Variants in DDX19B observed in about 807,000 individuals in gnomAD.
DDX19B encodes ATP-dependent RNA helicase DDX19B.
Under a neutral mutation model 58.1 loss-of-function variants are expected in DDX19B, and 27 were observed. The ratio of observed to expected loss-of-function variants is 0.46; its 90% CI spans 0.34 to 0.64. The LOEUF is 0.64. Among genes scored for constraint, DDX19B ranks in the 30% least tolerant of loss-of-function variants. The pLI is 0.01. For missense variants in DDX19B, 399 were observed against 596.5 expected (o/e 0.67, Z 3.45); for synonymous variants, 187 against 214.4 (o/e 0.87, Z 1.12).
intron 11 of DDX19B, 37 bp from the exon 12 acceptor site, chr16:70,333,484 C>T (rs771438269): frequency 6.2e-7 from 1 of 1,613,946 alleles, no homozygotes; most frequent in Non-Finnish European, 8.5e-7. Context: ...GGGGCACATT[C>T]CTGGGCAGGG....
rs1406087204 is a variant in DDX19B, at chr16:70,334,452, T to G, written c.*870T>G. 5 of 152,168 alleles carry G rather than the reference T, an allele frequency of 3.3e-5. No individual in the cohort carries two copies. Among genetic ancestry groups the G allele is most frequent in the Non-Finnish European group, 7.3e-5 (5 of 68,058 alleles). The allele number at this position is 152,168 out of a possible 1,614,324, so 9.4% of individuals were successfully genotyped here. ...AGCCCCAAACAAATGTGATCTGAGG[T>G]TTAGATCCTCAGTGAAAATTGTGGT... On this transcript the variant is annotated 3_prime_UTR_variant, in exon 12 of 12. Coordinates refer to ENST00000288071, the MANE Select transcript of DDX19B (RefSeq NM_007242.7).
At chr16:70,303,315 T>C (rs1293892570) in intron 1 of DDX19B, among the ~76,000 whole-genome samples, 3 of 152,156 alleles carry the variant, frequency 2.0e-5, no homozygotes, top group Non-Finnish European at 2.9e-5. Context: ...ATCTGGCTAA[T>C]GTATGTATTT....
intron 2 of DDX19B, among the ~76,000 whole-genome samples, chr16:70,313,496 AGGGTGTGG>A (rs771204404): frequency 2.7e-4 from 40 of 147,114 alleles, no homozygotes; most frequent in Non-Finnish European, 4.5e-4. Context: ...ACTGATAGCA[AGGGTGTGG>A]GGGGAACAAA....
In DDX19B at chr16:70,299,217, G is replaced by T. The variant is rs1961346900; in HGVS notation, c.-81G>T. 2.1e-6 allele frequency: 3 copies of T among 1,449,244 alleles called. No individual in the cohort carries two copies. The highest frequency in any genetic ancestry group is 5.3e-5 in the East Asian group (2 of 37,984). 89.8% of individuals were successfully genotyped at this position (1,449,244 alleles called of 1,614,324 possible). A position where few individuals can be genotyped will look rare whatever the true frequency, so the allele number is the denominator to read the frequency against. On this transcript the variant is annotated 5_prime_UTR_variant, in exon 1 of 12. Transcript: ENST00000288071. ...TTGTAGTGGGGCTGGAGCAGAGCCTGCCGCGAACCCCCGGAGCCCACGATC... is the reference window on the plus strand; with the variant it reads ...TTGTAGTGGGGCTGGAGCAGAGCCTTCCGCGAACCCCCGGAGCCCACGATC...
chr16:70,326,965 G>T (rs1240318605), intron 7 of DDX19B, among the ~76,000 whole-genome samples: 1 of 151,864 alleles, frequency 6.6e-6, no homozygotes, highest in Non-Finnish European at 1.5e-5. Flanking sequence ...CTCCTGAGTA[G>T]CTGGGACTAC....
chr16:70,330,897 T>C (rs1963448066), intron 9 of DDX19B, among the ~76,000 whole-genome samples: 1 of 151,660 alleles, frequency 6.6e-6, no homozygotes, highest in African/African-American at 2.4e-5. Flanking sequence ...TTTTAAAAAT[T>C]AGCCAGGCGT....
chr16:70,321,149 A>G (rs375195853), intron 5 of DDX19B, among the ~76,000 whole-genome samples: 104 of 151,686 alleles, frequency 6.9e-4, no homozygotes, highest in Admixed American at 6.6e-4. Flanking sequence ...TTTAGTAGAG[A>G]TGGGGTTTCT....
chr16:70,322,631 C>T (rs889891351), intron 5 of DDX19B, among the ~76,000 whole-genome samples: 6 of 148,070 alleles, frequency 4.1e-5, no homozygotes, highest in Admixed American at 1.4e-4. Context: ...TGGTGGCTCA[C>T]GACTGTAATC....
chr16:70,318,908 T>C (rs1491002066), intron 5 of DDX19B, among the ~76,000 whole-genome samples: 1 of 151,294 alleles, frequency 6.6e-6, no homozygotes, highest in Non-Finnish European at 1.5e-5. Flanking sequence ...ATCGAGACCA[T>C]CCTGGCTAAC....
At chr16:70,294,072 ATTTTTT>A (rs35683856), upstream of DDX19B, among the ~76,000 whole-genome samples, 1 of 63,100 alleles carries the variant, frequency 1.6e-5, no homozygotes, top group African/African-American at 7.4e-5. Flanking sequence ...GAGAGCCTGA[ATTTTTT>A]TTTTTTTTTT....
At chr16:70,312,752 A>G in intron 2 of DDX19B, 95 bp downstream of exon 2, 2 of 1,039,826 alleles carry the variant, frequency 1.9e-6, no homozygotes, top group Non-Finnish European at 2.9e-6. Context: ...TTGTATTTGT[A>G]CCAGGCAGGG....
At chr16:70,326,627 T>C (rs1963160785) in intron 7 of DDX19B, among the ~76,000 whole-genome samples, 1 of 151,410 alleles carries the variant, frequency 6.6e-6, no homozygotes, top group Non-Finnish European at 1.5e-5. Flanking sequence ...ACCTCTGCCC[T>C]CCGGGTTCAA....
chr16:70,320,451 ACCTCTGCCTCCTGGGCGTAAGCAATC>A (rs1427722543), intron 5 of DDX19B, among the ~76,000 whole-genome samples: 1 of 148,446 alleles, frequency 6.7e-6, no homozygotes, highest in African/African-American at 2.5e-5. Flanking sequence ...GCTCACTGCA[ACCTCTGCCTCCTGGGCGTAAGCAATC>A]CTCCCACCTC....
chr16:70,317,697 G>A (rs1962509079), intron 5 of DDX19B, 109 bp downstream of exon 5: 3 of 870,114 alleles, frequency 3.4e-6, no homozygotes, highest in Non-Finnish European at 5.2e-6. Flanking sequence ...CCAGCAACCT[G>A]AGAGGCAAGG....
upstream of DDX19B, among the ~76,000 whole-genome samples, chr16:70,290,958 T>C (rs1961045557): frequency 2.6e-5 from 4 of 152,202 alleles, no homozygotes; most frequent in Admixed American, 2.6e-4. Flanking sequence ...TAATAAATTG[T>C]GCTGCTGGTC....
intron 7 of DDX19B, among the ~76,000 whole-genome samples, chr16:70,327,449 C>T (rs1963226403): frequency 6.6e-6 from 1 of 152,096 alleles, no homozygotes; most frequent in African/African-American, 2.4e-5. Context: ...AGGAGAATCA[C>T]TTGAACCCGG....
At chr16:70,328,915 GC>G (rs1963322124) in intron 7 of DDX19B, among the ~76,000 whole-genome samples, 1 of 151,736 alleles carries the variant, frequency 6.6e-6, no homozygotes, top group South Asian at 2.1e-4. Flanking sequence ...AGCTGGCTTT[GC>G]CTTTGAAATA....
At chr16:70,319,588 T>G (rs1297815162) in intron 5 of DDX19B, 3 of 151,856 alleles carry the variant, frequency 2.0e-5, no homozygotes, top group Non-Finnish European at 4.4e-5. Flanking sequence ...TTTTTTTTTT[T>G]GTCTAAAAAT....
upstream of DDX19B, among the ~76,000 whole-genome samples, chr16:70,292,497 A>G (rs1461394884): frequency 6.6e-6 from 1 of 152,144 alleles, no homozygotes; most frequent in African/African-American, 2.4e-5. Context: ...TGAGGCCCAA[A>G]AGTCTCATTC....
Sources: allele counts gnomAD v4.1 joint callset (sites outside exome capture counted in the v4.1 genomes callset), GRCh38; gene constraint gnomAD v4.1.1; transcripts MANE v1.5; gene names NCBI Gene and HGNC (gene_info 2026-07-23, HGNC 2026-07-21).